The following FOXP1 variants were observed in gnomAD, a reference collection of about 807,000 sequenced individuals.
FOXP1 encodes forkhead box protein P1.
Under a neutral mutation model 98.2 loss-of-function variants are expected in FOXP1, and 15 were observed. The observed-to-expected ratio is 0.15, with a 90% CI of 0.10 to 0.24. The LOEUF (loss-of-function observed/expected upper bound fraction) is 0.24, where lower values mean the gene tolerates loss of function less well. FOXP1 is among the 10% of genes least tolerant of loss of function. The pLI, the probability that FOXP1 is intolerant of heterozygous loss-of-function variation, is 1.00. For missense variants in FOXP1, 633 were observed against 848.5 expected (o/e 0.75, Z 3.15); for synonymous variants, 371 against 314.5 (o/e 1.18, Z -1.90).
At chr3:71,445,493 G>A (rs1051648758) in intron 3 of FOXP1, among the ~76,000 whole-genome samples, 2 of 152,064 alleles carry the variant, frequency 1.3e-5, no homozygotes, top group Non-Finnish European at 2.9e-5. Flanking sequence ...TTCTAAGGTA[G>A]TATGAACTCC....
chr3:71,109,404 A>C (rs2107722994), intron 7 of FOXP1, among the ~76,000 whole-genome samples: 1 of 139,498 alleles, frequency 7.2e-6, no homozygotes, highest in Non-Finnish European at 1.5e-5. Context: ...AATATGAGTC[A>C]CAGTATATTT....
chr3:71,269,677 C>G (rs1433134769), intron 5 of FOXP1, among the ~76,000 whole-genome samples: 1 of 152,128 alleles, frequency 6.6e-6, no homozygotes, highest in African/African-American at 2.4e-5. Flanking sequence ...ATTAAAAGGG[C>G]AATTATATAA....
chr3:71,405,253 TG>T (rs1397654405), intron 3 of FOXP1, among the ~76,000 whole-genome samples: 3 of 152,154 alleles, frequency 2.0e-5, no homozygotes, highest in Non-Finnish European at 4.4e-5. Flanking sequence ...TCCTCGCCTA[TG>T]GAAAGGGTAT....
intron 3 of FOXP1, among the ~76,000 whole-genome samples, chr3:71,410,153 G>A (rs2082630605): frequency 6.6e-6 from 1 of 152,168 alleles, no homozygotes; most frequent in South Asian, 2.1e-4. Flanking sequence ...GTTTTCAGGA[G>A]GATGCAATAA....
intron 2 of FOXP1, among the ~76,000 whole-genome samples, chr3:71,507,015 T>C (rs148367241): frequency 6.6e-6 from 1 of 152,298 alleles, no homozygotes; most frequent in Non-Finnish European, 1.5e-5. Context: ...GCTGCTGTTC[T>C]CATCTTTGCT....
At chr3:70,962,296 A>G (rs1373250476) in intron 20 of FOXP1, among the ~76,000 whole-genome samples, 1 of 152,206 alleles carries the variant, frequency 6.6e-6, no homozygotes, top group East Asian at 1.9e-4. Flanking sequence ...TAATACAATG[A>G]CCACTTTTAT....
chr3:71,372,017 C>CTTTT (rs552340574), intron 3 of FOXP1, among the ~76,000 whole-genome samples: 1 of 144,680 alleles, frequency 6.9e-6, no homozygotes, highest in South Asian at 2.2e-4. Context: ...TTCTTTCTTT[C>CTTTT]TTTTTTTTTT....
chr3:71,199,001 T>A (rs539204911), intron 5 of FOXP1, among the ~76,000 whole-genome samples: 1 of 152,064 alleles, frequency 6.6e-6, no homozygotes, highest in Non-Finnish European at 1.5e-5. Flanking sequence ...AGATTAAATT[T>A]TTCTTCTATC....
intron 2 of FOXP1, among the ~76,000 whole-genome samples, chr3:71,539,278 A>AT (rs59674177): frequency 0.011 from 1,267 of 114,932 alleles, 15 homozygotes; most frequent in African/African-American, 0.019. Flanking sequence ...TGCCCAGCTA[A>AT]TTTTTTTTTT....
At chr3:71,455,200 C>T (rs1378050907) in intron 3 of FOXP1, among the ~76,000 whole-genome samples, 2 of 152,014 alleles carry the variant, frequency 1.3e-5, no homozygotes, top group African/African-American at 2.4e-5. Flanking sequence ...AAATGACAGG[C>T]GGACGTGGAA....
Position 70,954,899 on chromosome 3 carries a change from A to C in FOXP1, c.*4348T>G, listed in dbSNP as rs2031409327. 4.3e-6 allele frequency: 1 copy of C among 230,972 alleles called. No individual in the cohort carries two copies. Among genetic ancestry groups the C allele is most frequent in the Non-Finnish European group, 8.5e-6 (1 of 117,878 alleles). The allele number at this position is 230,972 out of a possible 1,614,324, so 14.3% of individuals were successfully genotyped here. ...CAAAACAAAACAAAACAAAACAAAAAAATTCTTGTTACTGGCAGCACATAT... is the reference window on the plus strand; with the variant it reads ...CAAAACAAAACAAAACAAAACAAAACAATTCTTGTTACTGGCAGCACATAT... On this transcript the variant is annotated 3_prime_UTR_variant, in exon 21 of 21. Coordinates refer to ENST00000649528, the MANE Select transcript of FOXP1 (RefSeq NM_001349338.3).
At chr3:71,348,696 A>C (rs2077572925) in intron 4 of FOXP1, among the ~76,000 whole-genome samples, 1 of 152,068 alleles carries the variant, frequency 6.6e-6, no homozygotes, top group Admixed American at 6.5e-5. Context: ...AGGTGCTATC[A>C]TTTGAATGTT....
chr3:71,199,150 G>A (rs949564838), intron 5 of FOXP1, among the ~76,000 whole-genome samples: 15 of 145,978 alleles, frequency 1.0e-4, no homozygotes, highest in African/African-American at 2.6e-4. Context: ...CTCTGTCGCC[G>A]AGGATGAAGT....
chr3:71,174,810 A>G (rs1210892533), intron 6 of FOXP1, among the ~76,000 whole-genome samples: 1 of 151,410 alleles, frequency 6.6e-6, no homozygotes, highest in Non-Finnish European at 1.5e-5. Context: ...ACACACACAC[A>G]CACACACACA....
intron 6 of FOXP1, among the ~76,000 whole-genome samples, chr3:71,143,610 T>G (rs192247081): frequency 1.7e-4 from 26 of 152,122 alleles, no homozygotes; most frequent in Admixed American, 1.6e-3. Context: ...ATACATAAAT[T>G]AGGCTGGGCA....
At chr3:71,231,421 C>T (rs1157234788) in intron 5 of FOXP1, among the ~76,000 whole-genome samples, 1 of 151,984 alleles carries the variant, frequency 6.6e-6, no homozygotes, top group Non-Finnish European at 1.5e-5. Context: ...ACCAATCCAC[C>T]TATAGCTACC....
chr3:71,388,976 G>T (rs1182544506), intron 3 of FOXP1, among the ~76,000 whole-genome samples: 2 of 152,004 alleles, frequency 1.3e-5, no homozygotes, highest in African/African-American at 4.8e-5. Context: ...AAAAATGTCA[G>T]AGCTACTTTT....
At chr3:71,085,735 CTT>C (rs56318177) in intron 7 of FOXP1, among the ~76,000 whole-genome samples, 7 of 37,036 alleles carry the variant, frequency 1.9e-4, no homozygotes, top group Admixed American at 1.1e-3. Flanking sequence ...CATTTATGGC[CTT>C]TTTTTTTTTT....
intron 3 of FOXP1, among the ~76,000 whole-genome samples, chr3:71,413,844 T>A (rs1358735711): frequency 6.6e-6 from 1 of 152,182 alleles, no homozygotes; most frequent in African/African-American, 2.4e-5. Context: ...TATATATCTT[T>A]TCCCCTCGTT....
Sources: allele counts gnomAD v4.1 joint callset (sites outside exome capture counted in the v4.1 genomes callset), GRCh38; gene constraint gnomAD v4.1.1; transcripts MANE v1.5; gene names NCBI Gene and HGNC (gene_info 2026-07-23, HGNC 2026-07-21).